Variants in SDCCAG8 observed in about 807,000 individuals in gnomAD.
SDCCAG8 encodes SHH signaling and ciliogenesis regulator SDCCAG8.
In SDCCAG8, 74 loss-of-function variants were observed where a neutral mutation model predicts 101.8. The observed-to-expected ratio is 0.73, with a 90% CI of 0.60 to 0.88. The LOEUF (loss-of-function observed/expected upper bound fraction) is 0.88, where lower values mean the gene tolerates loss of function less well. SDCCAG8 is among the 40% of genes least tolerant of loss of function. The pLI is 0.00. For synonymous variants in SDCCAG8, 281 were observed against 292.9 expected, an observed-to-expected ratio of 0.96 and a Z score of 0.41; for missense variants, 787 against 822.6, an observed-to-expected ratio of 0.96 and a Z score of 0.53.
intron 12 of SDCCAG8, among the ~76,000 whole-genome samples, chr1:243,367,222 AC>A (rs1224929311): frequency 2.0e-5 from 3 of 151,904 alleles, no homozygotes; most frequent in African/African-American, 7.3e-5. Context: ...CAGCTTTTAT[AC>A]TTTTTAGATT....
chr1:243,320,212 T>A (rs1261069896), intron 9 of SDCCAG8, among the ~76,000 whole-genome samples: 1 of 152,226 alleles, frequency 6.6e-6, no homozygotes, highest in Non-Finnish European at 1.5e-5. Flanking sequence ...TCTAACGTTT[T>A]CTTGAATTCT....
At chr1:243,307,912 T>A (rs1224814086) in intron 7 of SDCCAG8, 77 bp from the exon 8 acceptor site, 4 of 1,599,456 alleles carry the variant, frequency 2.5e-6, no homozygotes, top group Non-Finnish European at 3.4e-6. Context: ...TAGTAGTAGT[T>A]AACATTATGA....
intron 9 of SDCCAG8, among the ~76,000 whole-genome samples, chr1:243,323,903 T>A (rs1182085856): frequency 6.6e-6 from 1 of 152,216 alleles, no homozygotes; most frequent in Admixed American, 6.5e-5. Context: ...TGGGTCCACA[T>A]TGTACCATTC....
chr1:243,492,233 C>T (rs986928295), intron 17 of SDCCAG8, among the ~76,000 whole-genome samples: 16 of 150,926 alleles, frequency 1.1e-4, no homozygotes, highest in Non-Finnish European at 1.6e-4. Context: ...CCCCGCTCCC[C>T]GGCGCTGTCT....
intron 16 of SDCCAG8, among the ~76,000 whole-genome samples, chr1:243,462,415 G>A (rs1332598153): frequency 6.6e-6 from 1 of 152,206 alleles, no homozygotes; most frequent in East Asian, 1.9e-4. Context: ...GGGGCTGTGT[G>A]GCTGTGAAGG....
At chr1:243,451,900 G>C (rs1476946003) in intron 16 of SDCCAG8, among the ~76,000 whole-genome samples, 1 of 152,232 alleles carries the variant, frequency 6.6e-6, no homozygotes, top group South Asian at 2.1e-4. Flanking sequence ...CTGCACTCCA[G>C]CCTGGGCAGT....
chr1:243,308,023 G>A lies in SDCCAG8; in HGVS notation c.775G>A (p.Asp259Asn). 6.2e-7 allele frequency: 1 copy of A among 1,614,038 alleles called. No homozygotes were observed. The highest frequency in any genetic ancestry group is 8.5e-7 in the Non-Finnish European group (1 of 1,180,004). ...AGCTGAATATCAGAGAACTTGTGAA[G>A]ATCTTAAAGAGCAACTAAAGCATAA... ...DLAEYQRTCEDLKEQLKHKEF... is the reference protein window; with the variant it reads ...DLAEYQRTCENLKEQLKHKEF... The change falls in exon 8 of 18, where the codon GAT becomes AAT. Residue 259 changes from aspartate to asparagine, a missense_variant. Transcript: ENST00000366541.
intron 17 of SDCCAG8, among the ~76,000 whole-genome samples, chr1:243,496,962 CCT>C (rs1668082413): frequency 6.6e-6 from 1 of 152,234 alleles, no homozygotes; most frequent in Admixed American, 6.5e-5. Context: ...CTGTCGCCCC[CCT>C]CTGAGCTGCA....
chr1:243,354,796 A>G (rs1226241242), intron 12 of SDCCAG8, among the ~76,000 whole-genome samples: 3 of 152,230 alleles, frequency 2.0e-5, no homozygotes, highest in Non-Finnish European at 2.9e-5. Context: ...CTAGAATATG[A>G]TCATCTTAAG....
intron 6 of SDCCAG8, among the ~76,000 whole-genome samples, chr1:243,301,261 G>A (rs1180705646): frequency 1.3e-5 from 2 of 152,122 alleles, no homozygotes; most frequent in Non-Finnish European, 2.9e-5. Flanking sequence ...TGTTTTGAGT[G>A]TCTGCTTAAA....
At chr1:243,299,714 A>C (rs28580308) in intron 6 of SDCCAG8, among the ~76,000 whole-genome samples, 2,609 of 152,048 alleles carry the variant, frequency 0.017, 81 homozygotes, top group African/African-American at 0.059. Flanking sequence ...GTGCCTGGCC[A>C]TATTTGCTTT....
At chr1:243,275,836 G>C (rs1338952613) in intron 4 of SDCCAG8, among the ~76,000 whole-genome samples, 1 of 146,894 alleles carries the variant, frequency 6.8e-6, no homozygotes, top group Non-Finnish European at 1.5e-5. Flanking sequence ...TTCTATGGGA[G>C]AGAGAGATCT....
intron 13 of SDCCAG8, among the ~76,000 whole-genome samples, chr1:243,408,551 A>T (rs2079949013): frequency 6.6e-6 from 1 of 152,190 alleles, no homozygotes. Flanking sequence ...TGGCTATTAA[A>T]TGGCACACTC....
chr1:243,386,134 T>C (rs1364870840), intron 13 of SDCCAG8, among the ~76,000 whole-genome samples: 1 of 152,196 alleles, frequency 6.6e-6, no homozygotes, highest in Non-Finnish European at 1.5e-5. Flanking sequence ...TCTCATATAA[T>C]CCTACCAATA....
At chr1:243,452,351 T>G (rs562500851) in intron 16 of SDCCAG8, among the ~76,000 whole-genome samples, 1 of 150,680 alleles carries the variant, frequency 6.6e-6, no homozygotes, top group African/African-American at 2.4e-5. Context: ...AGAGTTAGAC[T>G]CCTCTATCTC....
intron 13 of SDCCAG8, among the ~76,000 whole-genome samples, chr1:243,389,871 T>C (rs1308203929): frequency 1.3e-5 from 2 of 152,188 alleles, no homozygotes; most frequent in Non-Finnish European, 2.9e-5. Context: ...ACTTTTGGTG[T>C]TGTAAAATCT....
chr1:243,480,866 G>T lies in SDCCAG8; in HGVS notation c.1986-8148G>T, dbSNP rs1216172426. Among the ~76,000 whole-genome samples the T allele has an allele frequency of 2.3e-5, 3 of 130,148 alleles. No individual in the cohort carries two copies. The East Asian group carries it at 7.0e-4, about 30-fold the overall frequency. The allele number at this position is 130,148 out of a possible 152,430, so 85.4% of individuals were successfully genotyped here. A position where few individuals can be genotyped will look rare whatever the true frequency, so the allele number is the denominator to read the frequency against. On this transcript the variant is annotated intron_variant, in intron 16 of 17. Coordinates refer to ENST00000366541, the MANE Select transcript of SDCCAG8 (RefSeq NM_006642.5). ...GGGTGGGGTGGATGGATGGGTGGAT[G>T]GATGGATGGGTGGGATGGATGGATG...
At chr1:243,318,658 C>A in intron 9 of SDCCAG8, 3 of 645,364 alleles carry the variant, frequency 4.6e-6, no homozygotes, top group Non-Finnish European at 5.8e-6. Context: ...GACCAAACTC[C>A]CCAACATACT....
At chr1:243,340,851 GAGA>G (rs914583388) in intron 10 of SDCCAG8, among the ~76,000 whole-genome samples, 185 bp from the exon 11 acceptor site, 4 of 152,182 alleles carry the variant, frequency 2.6e-5, no homozygotes, top group Non-Finnish European at 5.9e-5. Context: ...ATGAATAGGA[GAGA>G]AGTACATATT....
Sources: gnomAD v4.1 joint callset for allele counts (sites outside exome capture counted in the v4.1 genomes callset) on GRCh38, gnomAD v4.1.1 for gene constraint, MANE v1.5 for transcripts, NCBI Gene and HGNC (gene_info 2026-07-23, HGNC 2026-07-21) for gene names.